Variants in PPP1R1C observed in about 807,000 individuals in gnomAD.
PPP1R1C encodes protein phosphatase 1 regulatory subunit 1C.
In PPP1R1C, 15 loss-of-function variants were observed where a neutral mutation model predicts 17.4. That is an observed-to-expected ratio of 0.86 (90% CI 0.58 to 1.33). The LOEUF (loss-of-function observed/expected upper bound fraction) is 1.33. PPP1R1C is among the 40% of genes most tolerant of loss of function. The pLI, the probability that PPP1R1C is intolerant of heterozygous loss-of-function variation, is 0.00. For synonymous variants in PPP1R1C, 35 were observed against 43.1 expected, an observed-to-expected ratio of 0.81 and a Z score of 0.73; for missense variants, 143 against 130.0, an observed-to-expected ratio of 1.10 and a Z score of -0.48.
chr2:182,108,804 G>T (rs1262733881), intron 4 of PPP1R1C, among the ~76,000 whole-genome samples: 1 of 152,132 alleles, frequency 6.6e-6, no homozygotes, highest in Non-Finnish European at 1.5e-5. Flanking sequence ...AGGTTTTGCA[G>T]TTATTAATAA....
At chr2:182,032,820 T>C (rs1686886100) in intron 2 of PPP1R1C, among the ~76,000 whole-genome samples, 1 of 152,212 alleles carries the variant, frequency 6.6e-6, no homozygotes, top group Non-Finnish European at 1.5e-5. Flanking sequence ...TACTAAGTGC[T>C]CGATAAATAT....
Position 181,962,397 on chromosome 2 carries a change from G to T in PPP1R1C, n.111+7763G>T. 1 of 749,266 alleles carries T rather than the reference G, an allele frequency of 1.3e-6. No homozygotes were observed. 46.4% of individuals were successfully genotyped at this position (749,266 alleles called of 1,614,324 possible). Reference sequence around the variant, plus strand: ...TAGACGCTGGCCATGCAGCTGGCCGGCCGGGCGCCGTAGTTGGACACCTGG... The same window carrying T: ...TAGACGCTGGCCATGCAGCTGGCCGTCCGGGCGCCGTAGTTGGACACCTGG... On this transcript the variant is annotated intron_variant and non_coding_transcript_variant, in intron 1 of 5. Transcript: ENST00000464264. The surrounding 1 kb of genome is among the most constrained non-coding windows in gnomAD (Gnocchi z 6.0).
chr2:182,090,443 T>C (rs1688750455), intron 4 of PPP1R1C, among the ~76,000 whole-genome samples: 1 of 152,020 alleles, frequency 6.6e-6, no homozygotes. Context: ...GTTTTCCCAA[T>C]CTTAAACAAG....
At chr2:181,983,443 G>A (rs959292524), upstream of PPP1R1C, among the ~76,000 whole-genome samples, 1 of 152,052 alleles carries the variant, frequency 6.6e-6, no homozygotes, top group African/African-American at 2.4e-5. Context: ...TCATATAAGG[G>A]TTAATTATTA....
intron 2 of PPP1R1C, among the ~76,000 whole-genome samples, chr2:181,975,639 CTTTTTAT>C (rs2125135160): frequency 6.6e-6 from 1 of 151,762 alleles, no homozygotes; most frequent in African/African-American, 2.4e-5. Context: ...GGTTCTTTCT[CTTTTTAT>C]TTTTTATTTT....
At position 182,117,272 on chromosome 2, in the gene PPP1R1C, A is replaced by G; in HGVS notation, c.307A>G (p.Arg103Gly). The G allele has an allele frequency of 1.9e-6, 3 of 1,561,880 alleles. No individual in the cohort carries two copies. The highest frequency in any genetic ancestry group is 2.6e-6 in the Non-Finnish European group (3 of 1,152,498). The part of the protein sequence containing the change: ...FPEEEEGTNE[R>G]EEQRDH ...TGAAGAAGAAGAAGGCACCAATGAA[A>G]GAGAGGAGCAGCGGGACCATTAATT... Residue 103 changes from arginine to glycine, a missense_variant, in exon 5 of 5, where the codon AGA becomes GGA. Arg to Gly is a moderately radical substitution (Grantham distance 125). Transcript: ENST00000682840.
At chr2:182,069,674 A>G (rs1279243427) in intron 4 of PPP1R1C, among the ~76,000 whole-genome samples, 1 of 152,192 alleles carries the variant, frequency 6.6e-6, no homozygotes, top group Non-Finnish European at 1.5e-5. Context: ...GAAGAGCACC[A>G]TTTGTCAATA....
chr2:181,961,653 C>T lies in PPP1R1C; in HGVS notation n.111+7019C>T, dbSNP rs1260534233. ...GCGTAGTGACCACTGTGGTGCTCTT[C>T]TCAATCTGCTGAGACCAGCACTTGT... On this transcript the variant is annotated intron_variant and non_coding_transcript_variant, in intron 1 of 5. Coordinates refer to the PPP1R1C transcript ENST00000464264. The surrounding 1 kb of genome is among the most constrained non-coding windows in gnomAD (Gnocchi z 5.8). The T allele has an allele frequency of 1.3e-6, 1 of 753,658 alleles. No individual in the cohort carries two copies. Among genetic ancestry groups the T allele is most frequent in the Non-Finnish European group, 2.4e-6 (1 of 416,546 alleles). The allele number at this position is 753,658 out of a possible 1,614,324, so 46.7% of individuals were successfully genotyped here.
chr2:182,109,232 T>C (rs1406224960), intron 4 of PPP1R1C, among the ~76,000 whole-genome samples: 2 of 152,234 alleles, frequency 1.3e-5, no homozygotes, highest in Non-Finnish European at 2.9e-5. Context: ...CTTTGTATGT[T>C]TTGGATAGTA....
At chr2:182,019,591 G>A (rs746299991) in intron 2 of PPP1R1C, among the ~76,000 whole-genome samples, 14 of 152,182 alleles carry the variant, frequency 9.2e-5, no homozygotes, top group Middle Eastern at 3.2e-3. Flanking sequence ...GAATGGGTAA[G>A]TGTCTCATTC....
chr2:182,077,013 T>C (rs1175121311), intron 4 of PPP1R1C, among the ~76,000 whole-genome samples: 2 of 152,190 alleles, frequency 1.3e-5, no homozygotes, highest in African/African-American at 4.8e-5. Flanking sequence ...TTGATTATTA[T>C]TAATTAATTT....
chr2:182,037,235 TCTC>T (rs1687038965), intron 2 of PPP1R1C, among the ~76,000 whole-genome samples: 1 of 152,328 alleles, frequency 6.6e-6, no homozygotes. Flanking sequence ...CAAGAGAAAT[TCTC>T]CTCCAAGTGA....
At chr2:182,116,153 T>C (rs954785747) in intron 4 of PPP1R1C, among the ~76,000 whole-genome samples, 2 of 152,204 alleles carry the variant, frequency 1.3e-5, no homozygotes, top group African/African-American at 4.8e-5. Context: ...ATTGTGGAAC[T>C]GCCAAATGCA....
chr2:182,019,121 C>T (rs924581147), intron 2 of PPP1R1C, among the ~76,000 whole-genome samples: 1 of 152,042 alleles, frequency 6.6e-6, no homozygotes, highest in African/African-American at 2.4e-5. Flanking sequence ...AACAACTCAA[C>T]TTCAAAAATA....
intron 2 of PPP1R1C, among the ~76,000 whole-genome samples, chr2:182,007,253 C>A (rs986216614): frequency 6.6e-6 from 1 of 152,108 alleles, no homozygotes; most frequent in African/African-American, 2.4e-5. Flanking sequence ...GGTCTATCTA[C>A]GTATACACTA....
intron 2 of PPP1R1C, among the ~76,000 whole-genome samples, chr2:182,037,748 T>TTAGA (rs1687055863): frequency 2.0e-5 from 3 of 152,202 alleles, no homozygotes; most frequent in African/African-American, 7.2e-5. Context: ...TATGAACTGT[T>TTAGA]AATTTCACCT....
At chr2:181,963,298 A>G (rs185665513) in intron 1 of PPP1R1C, among the ~76,000 whole-genome samples, 2 of 152,214 alleles carry the variant, frequency 1.3e-5, no homozygotes, top group South Asian at 4.1e-4. Flanking sequence ...CACTATCCAC[A>G]TTTAAACATA....
intron 2 of PPP1R1C, among the ~76,000 whole-genome samples, chr2:182,003,181 G>C (rs528995696): frequency 9.2e-5 from 14 of 152,288 alleles, no homozygotes; most frequent in Non-Finnish European, 2.1e-4. Context: ...TTACATTTGA[G>C]ATCTGCTCTG....
In PPP1R1C at chr2:182,105,827, T is replaced by G. The variant is rs1055026464; in HGVS notation, c.242-11380T>G. Among the ~76,000 whole-genome samples the G allele has an allele frequency of 3.3e-5, 5 of 152,118 alleles. No individual in the cohort carries two copies. The East Asian group carries it at 9.6e-4, about 29-fold the overall frequency. ...AGGATGGGGATTTCCCATACACAAT[T>G]CAACGCTATGGATGTATTAGTTTGC... On this transcript the variant is annotated intron_variant, in intron 4 of 4. Coordinates refer to ENST00000682840, the MANE Select transcript of PPP1R1C (RefSeq NM_001080545.3).
Sources: gnomAD v4.1 joint callset for allele counts (sites outside exome capture counted in the v4.1 genomes callset) on GRCh38, gnomAD v4.1.1 for gene constraint, Gnocchi (gnomAD v3.1) non-coding constraint, MANE v1.5 for transcripts, NCBI Gene and HGNC (gene_info 2026-07-23, HGNC 2026-07-21) for gene names.